MCOLN2: variants seen among roughly 807,000 people sequenced by gnomAD.
The protein encoded by MCOLN2 is mucolipin TRP cation channel 2, also known as mucolipin-2.
A neutral mutation model predicts 67.5 loss-of-function variants in MCOLN2; 57 were observed. That is an observed-to-expected ratio of 0.84 (90% CI 0.68 to 1.05). The LOEUF is 1.05. MCOLN2 is among the 50% of genes least tolerant of loss of function. MCOLN2 has a pLI of 0.00. For missense variants in MCOLN2, 620 were observed against 678.8 expected (o/e 0.91, Z 0.96); for synonymous variants, 246 against 233.3 (o/e 1.05, Z -0.50).
At chr1:84,953,168 A>G (rs941544570) in intron 4 of MCOLN2, among the ~76,000 whole-genome samples, 4 of 152,180 alleles carry the variant, frequency 2.6e-5, no homozygotes, top group African/African-American at 9.7e-5. Context: ...GGAAATGCAC[A>G]CTGAAGTATT....
At chr1:84,969,570 C>CAA (rs60003501) in intron 1 of MCOLN2, among the ~76,000 whole-genome samples, 156 of 80,692 alleles carry the variant, frequency 1.9e-3, no homozygotes, top group African/African-American at 3.0e-3. Context: ...GACTCTGCCT[C>CAA]AAAAAAAAAA....
At chr1:84,970,744 C>T (rs1382745721) in intron 1 of MCOLN2, among the ~76,000 whole-genome samples, 1 of 152,094 alleles carries the variant, frequency 6.6e-6, no homozygotes, top group Non-Finnish European at 1.5e-5. Flanking sequence ...GAGACATTTT[C>T]CTGCCTTCCA....
intron 4 of MCOLN2, among the ~76,000 whole-genome samples, chr1:84,953,506 C>T (rs934291418): frequency 4.7e-5 from 7 of 149,540 alleles, no homozygotes; most frequent in East Asian, 2.0e-4. Context: ...GCCAAGATTG[C>T]GCCACTGCAC....
Position 84,940,966 on chromosome 1 carries a change from C to A in MCOLN2, c.873G>T (p.Leu291=). ...GSTQKNAQYV[L]VFDAFVIVIC... The stretch of plus-strand genomic sequence containing the variant: ...TCACAATGACAAATGCATCAAACAC[C>A]AGGACATACTGAGCATTTTTCTGAG... Residue 291 remains leucine (L), a synonymous_variant, in exon 8 of 14, where the codon CTG becomes CTT. Transcript: ENST00000370608. 1 of 1,612,994 alleles carries A rather than the reference C, an allele frequency of 6.2e-7. No individual in the cohort carries two copies. The highest frequency in any genetic ancestry group is 1.1e-5 in the South Asian group (1 of 90,924).
At chr1:84,969,850 A>C (rs1649577024) in intron 1 of MCOLN2, among the ~76,000 whole-genome samples, 1 of 152,226 alleles carries the variant, frequency 6.6e-6, no homozygotes, top group African/African-American at 2.4e-5. Context: ...AAATAAGTAA[A>C]TATTACGGAA....
intron 1 of MCOLN2, among the ~76,000 whole-genome samples, chr1:84,989,689 C>A (rs1371141): frequency 0.15 from 23,401 of 151,812 alleles, 1,888 homozygotes; most frequent in East Asian, 0.26. Flanking sequence ...AAGATCTTAA[C>A]ATAAAAATTT....
At position 84,931,520 on chromosome 1, in the gene MCOLN2, C is replaced by T. The variant is rs368917993; in HGVS notation, c.1384G>A (p.Gly462Ser). 1.4e-5 allele frequency: 22 copies of T among 1,613,870 alleles called. No homozygotes were observed. The African/African-American group carries it at 1.5e-4, about 11-fold the overall frequency. The change falls in exon 12 of 14, where the codon GGT (glycine) becomes AGT (serine). Residue 462 changes from glycine (G) to serine (S), a missense_variant. Transcript: ENST00000370608. ...VAECLFSLVN[G>S]DDMFATFAQI... The stretch of plus-strand genomic sequence containing the variant: ...GCAAAGGTTGCAAACATGTCATCAC[C>T]GTTGACCAGAGAAAACAGACACTCA...
chr1:84,925,708 CAT>C lies in MCOLN2; in HGVS notation c.*975_*976del, dbSNP rs1301605436. 3 of 152,198 alleles carry C rather than the reference CAT, an allele frequency of 2.0e-5. No homozygotes were observed. Among genetic ancestry groups the C allele is most frequent in the African/African-American group, 7.2e-5 (3 of 41,444 alleles). The allele number at this position is 152,198 out of a possible 1,614,324, so 9.4% of individuals were successfully genotyped here. A position where few individuals can be genotyped will look rare whatever the true frequency, so the allele number is the denominator to read the frequency against. On this transcript the variant is annotated 3_prime_UTR_variant, in exon 14 of 14. Transcript: ENST00000370608. ...TGACCGCTGCTACAGGTCACTTCCA[CAT>C]GTCATGTGTGTACAACTGACCATTA...
At chr1:84,987,239 A>C (rs970194972) in intron 1 of MCOLN2, among the ~76,000 whole-genome samples, 5 of 118,232 alleles carry the variant, frequency 4.2e-5, no homozygotes, top group African/African-American at 1.5e-4. Flanking sequence ...ACAGCTATAT[A>C]GATATGTATA....
At chr1:84,974,530 C>T (rs11799554) in intron 1 of MCOLN2, among the ~76,000 whole-genome samples, 42,715 of 151,784 alleles carry the variant, frequency 0.28, 6,478 homozygotes, top group East Asian at 0.37. Context: ...TAGGCACACC[C>T]TGGGCCAGAA....
intron 1 of MCOLN2, among the ~76,000 whole-genome samples, chr1:84,970,645 T>G (rs1263979568): frequency 6.6e-6 from 1 of 152,176 alleles, no homozygotes; most frequent in Non-Finnish European, 1.5e-5. Flanking sequence ...ATTGCACCAC[T>G]GCACTTCAGC....
At chr1:84,927,300 T>C (rs906101285) in intron 13 of MCOLN2, among the ~76,000 whole-genome samples, 2 of 152,086 alleles carry the variant, frequency 1.3e-5, no homozygotes, top group Non-Finnish European at 2.9e-5. Flanking sequence ...TCTGTGTCCC[T>C]TCGCTAACAA....
intron 9 of MCOLN2, 106 bp downstream of exon 9, chr1:84,939,447 G>C: frequency 8.9e-7 from 1 of 1,129,736 alleles, no homozygotes; most frequent in South Asian, 1.5e-5. Flanking sequence ...TGAGAAAAGG[G>C]AAGACACGAG....
chr1:84,945,765 G>A (rs961729954), intron 7 of MCOLN2, among the ~76,000 whole-genome samples: 5 of 151,764 alleles, frequency 3.3e-5, no homozygotes, highest in Admixed American at 2.0e-4. Context: ...ACTTATTTTT[G>A]AGACAAAGTC....
At chr1:84,960,568 G>C (rs995773571) in intron 2 of MCOLN2, among the ~76,000 whole-genome samples, 1 of 152,168 alleles carries the variant, frequency 6.6e-6, no homozygotes, top group African/African-American at 2.4e-5. Context: ...CTAAAACTCA[G>C]CTATTCTAAG....
rs1557665868 is a variant in MCOLN2, at chr1:84,987,548, G to GGTA, written c.77+9247_77+9248insTAC. 4.6e-4 allele frequency among the ~76,000 whole-genome samples: 33 copies of GGTA among 71,618 alleles called. 2 individuals carry two copies. The highest frequency in any genetic ancestry group is 2.3e-3 in the African/African-American group (32 of 13,924). 47.0% of individuals were successfully genotyped at this position (71,618 alleles called of 152,430 possible). A position where few individuals can be genotyped will look rare whatever the true frequency, so the allele number is the denominator to read the frequency against. ...TGTATACATCTATGTATACATAGAT[G>GGTA]TATACATCTATGTATACATAGATGT... On this transcript the variant is annotated intron_variant, in intron 1 of 13. Transcript: ENST00000370608.
chr1:84,934,881 T>C (rs1647337220), intron 11 of MCOLN2, among the ~76,000 whole-genome samples: 2 of 152,176 alleles, frequency 1.3e-5, no homozygotes, highest in African/African-American at 4.8e-5. Context: ...CCCTTTCCAT[T>C]GAGCCCCTGA....
intron 11 of MCOLN2, among the ~76,000 whole-genome samples, chr1:84,936,952 A>G (rs1161461408): frequency 6.6e-6 from 1 of 152,190 alleles, no homozygotes; most frequent in Non-Finnish European, 1.5e-5. Context: ...AAGAAAGAAC[A>G]CCGAAATGCC....
chr1:84,995,684 C>A (rs1307075500), intron 1 of MCOLN2, among the ~76,000 whole-genome samples: 1 of 152,166 alleles, frequency 6.6e-6, no homozygotes, highest in African/African-American at 2.4e-5. Flanking sequence ...AAGAGATCAG[C>A]TTGTGAATAT....
Sources: gnomAD v4.1 joint callset for allele counts (sites outside exome capture counted in the v4.1 genomes callset) on GRCh38, gnomAD v4.1.1 for gene constraint, MANE v1.5 for transcripts, NCBI Gene and HGNC (gene_info 2026-07-23, HGNC 2026-07-21) for gene names.